UTP18: variants seen among roughly 807,000 people sequenced by gnomAD.
UTP18 encodes UTP18 small subunit processome component.
In UTP18, 36 loss-of-function variants were observed where a neutral mutation model predicts 61.1. The observed-to-expected ratio is 0.59, with a 90% confidence interval of 0.45 to 0.78. The LOEUF is 0.78. Ranked by LOEUF, UTP18 falls within the 30% of genes least tolerant of loss-of-function variation. The pLI is 0.00. For synonymous variants in UTP18, 282 were observed against 251.1 expected (o/e 1.12, Z -1.16); for missense variants, 753 against 693.9 (o/e 1.09, Z -0.96).
chr17:51,283,257 C>T (rs1419983263), intron 9 of UTP18, among the ~76,000 whole-genome samples: 1 of 151,720 alleles, frequency 6.6e-6, no homozygotes, highest in Non-Finnish European at 1.5e-5. Context: ...CAGCCTCTGC[C>T]TCCTGGGTTC....
chr17:51,268,600 T>C (rs1904392558), intron 3 of UTP18, among the ~76,000 whole-genome samples: 2 of 152,144 alleles, frequency 1.3e-5, no homozygotes, highest in African/African-American at 4.8e-5. Context: ...TAACAAAAAA[T>C]ATGTATCCAG....
chr17:51,265,677 C>T (rs2055553916), intron 2 of UTP18, among the ~76,000 whole-genome samples: 3 of 147,726 alleles, frequency 2.0e-5, no homozygotes, highest in African/African-American at 5.0e-5. Flanking sequence ...GGTTCTTCTG[C>T]CTCAGCCTCC....
intron 1 of UTP18, among the ~76,000 whole-genome samples, chr17:51,261,516 T>C (rs2055481837): frequency 6.6e-6 from 1 of 152,248 alleles, no homozygotes; most frequent in Non-Finnish European, 1.5e-5. Flanking sequence ...CTTTAAATTC[T>C]ATACCAGGCT....
intron 7 of UTP18, among the ~76,000 whole-genome samples, chr17:51,277,932 T>G (rs1042284109): frequency 4.6e-5 from 7 of 152,114 alleles, no homozygotes; most frequent in Admixed American, 2.0e-4. Context: ...CTAATGAGGT[T>G]GTCTGGCTAA....
chr17:51,272,231 T>C (rs1567700481), intron 4 of UTP18, among the ~76,000 whole-genome samples: 1 of 152,140 alleles, frequency 6.6e-6, no homozygotes, highest in African/African-American at 2.4e-5. Flanking sequence ...CCCAAGTAGC[T>C]GGGATTACAG....
chr17:51,275,935 C>G lies in UTP18; in HGVS notation c.781C>G (p.Pro261Ala), dbSNP rs1904706841. Residue 261 changes from proline to alanine, a missense_variant, in exon 6 of 14, where the codon CCC (proline) becomes GCC (alanine). Transcript: ENST00000225298. ...VARISSVQFH[P>A]GAQIVMVAGL... ...TCGGATCTCATCTGTGCAGTTCCAT[C>G]CCGGTGCACAGATTGTGATGGTTGC... The G allele has an allele frequency of 1.2e-6, 2 of 1,613,026 alleles. No homozygotes were observed. The highest frequency in any genetic ancestry group is 1.7e-5 in the Admixed American group (1 of 59,732).
chr17:51,267,812 C>T (rs925838546), intron 3 of UTP18, among the ~76,000 whole-genome samples: 15 of 151,954 alleles, frequency 9.9e-5, no homozygotes, highest in Non-Finnish European at 2.1e-4. Context: ...TGCTTATATC[C>T]CTTCTCTGAG....
chr17:51,290,202 G>A (rs942973870), intron 11 of UTP18, among the ~76,000 whole-genome samples: 1 of 152,136 alleles, frequency 6.6e-6, no homozygotes. Flanking sequence ...GATCACTTGA[G>A]GTCAGGAGTT....
At chr17:51,287,822 C>A (rs558131701) in intron 10 of UTP18, among the ~76,000 whole-genome samples, 2 of 152,122 alleles carry the variant, frequency 1.3e-5, no homozygotes, top group African/African-American at 4.8e-5. Flanking sequence ...TTCAAGAAGT[C>A]AACAGAAGGG....
chr17:51,276,290 C>T (rs748279347), intron 6 of UTP18, among the ~76,000 whole-genome samples: 2 of 152,178 alleles, frequency 1.3e-5, no homozygotes, highest in Non-Finnish European at 2.9e-5. Context: ...CCCTTGCCCA[C>T]TCACATTTTT....
chr17:51,286,978 T>TTCCCC (rs1905135149), intron 10 of UTP18, among the ~76,000 whole-genome samples: 4 of 123,524 alleles, frequency 3.2e-5, no homozygotes, highest in African/African-American at 3.6e-5. Flanking sequence ...CCCTCCCCCT[T>TTCCCC]CCCCCCCCGA....
At chr17:51,271,157 A>G (rs1430660452) in intron 4 of UTP18, among the ~76,000 whole-genome samples, 1 of 151,902 alleles carries the variant, frequency 6.6e-6, no homozygotes, top group Non-Finnish European at 1.5e-5. Flanking sequence ...CTTGCTTTGT[A>G]TTTTGCTTAG....
chr17:51,282,335 T>C (rs1174484141), intron 9 of UTP18, among the ~76,000 whole-genome samples: 1 of 152,228 alleles, frequency 6.6e-6, no homozygotes, highest in Non-Finnish European at 1.5e-5. Context: ...ATTTTTGTTT[T>C]GTTTTTGTCC....
At chr17:51,270,490 C>G (rs1161995049) in intron 4 of UTP18, among the ~76,000 whole-genome samples, 1 of 152,162 alleles carries the variant, frequency 6.6e-6, no homozygotes, top group African/African-American at 2.4e-5. Context: ...GTTATGCTAG[C>G]TGTTGAAACA....
In UTP18 at chr17:51,260,584, G is replaced by A. The variant is rs779135385; in HGVS notation, c.-1G>A. Reference sequence around the variant, plus strand: ...GCCTGCGTTTCTCCTCAAACCTAACGATGCCGCCGGAGCGGAGGAGACGAA... The same window carrying A: ...GCCTGCGTTTCTCCTCAAACCTAACAATGCCGCCGGAGCGGAGGAGACGAA... On this transcript the variant is annotated 5_prime_UTR_variant, in exon 1 of 14. Transcript: ENST00000225298. 1.7e-5 allele frequency: 28 copies of A among 1,611,634 alleles called. No homozygotes were observed. The highest frequency in any genetic ancestry group is 2.3e-5 in the Non-Finnish European group (27 of 1,179,440).
At chr17:51,271,424 A>G (rs1904527093) in intron 4 of UTP18, among the ~76,000 whole-genome samples, 2 of 151,826 alleles carry the variant, frequency 1.3e-5, no homozygotes, top group Admixed American at 6.6e-5. Flanking sequence ...CTCCCACCTC[A>G]GCCTCTGGAG....
At chr17:51,264,246 TA>T (rs1163139286) in intron 2 of UTP18, among the ~76,000 whole-genome samples, 1 of 152,000 alleles carries the variant, frequency 6.6e-6, no homozygotes, top group East Asian at 1.9e-4. Flanking sequence ...GGAGTTTTGC[TA>T]CGTTGGCCAG....
At chr17:51,266,482 A>G (rs531105163) in intron 3 of UTP18, among the ~76,000 whole-genome samples, 252 of 152,368 alleles carry the variant, frequency 1.7e-3, no homozygotes, top group Non-Finnish European at 2.9e-3. Flanking sequence ...AAAAATTCTT[A>G]CCACTCAAAT....
At chr17:51,290,115 C>T (rs1905206337) in intron 11 of UTP18, among the ~76,000 whole-genome samples, 1 of 152,066 alleles carries the variant, frequency 6.6e-6, no homozygotes, top group African/African-American at 2.4e-5. Context: ...ATATGATTTC[C>T]TTAAGAAATG....
Sources: allele counts gnomAD v4.1 joint callset (sites outside exome capture counted in the v4.1 genomes callset), GRCh38; gene constraint gnomAD v4.1.1; transcripts MANE v1.5; gene names NCBI Gene and HGNC (gene_info 2026-07-23, HGNC 2026-07-21).